SV2B: variants seen among roughly 807,000 people sequenced by gnomAD.
SV2B encodes synaptic vesicle glycoprotein 2B.
In SV2B, 41 loss-of-function variants were observed where a neutral mutation model predicts 73.9. The ratio of observed to expected loss-of-function variants is 0.56; its 90% CI spans 0.43 to 0.72. The LOEUF is 0.72. SV2B is among the 30% of genes least tolerant of loss of function. The pLI is 0.00. For missense variants in SV2B, 764 were observed against 857.8 expected (o/e 0.89, Z 1.37); for synonymous variants, 314 against 314.2 (o/e 1.00, Z 0.01).
In SV2B at chr15:91,130,903, A is replaced by T. The variant is rs1336238906; in HGVS notation, c.-392+30540A>T. On this transcript the variant is annotated intron_variant, in intron 1 of 12. Transcript: ENST00000394232. The surrounding 1 kb of genome is among the most constrained non-coding windows in gnomAD (Gnocchi z 5.6). ...AAAAATGAGAGTGTGAGGAGAAGGA[A>T]CTTGAAGATGCAAAAGGAGGAGATG... Among the ~76,000 whole-genome samples the T allele has an allele frequency of 6.6e-6, 1 of 152,054 alleles. No individual in the cohort carries two copies. Among genetic ancestry groups the T allele is most frequent in the Non-Finnish European group, 1.5e-5 (1 of 68,026 alleles).
In SV2B at chr15:91,268,346, A is replaced by T. The variant is rs1405451366; in HGVS notation, c.1209-95A>T. ...TAATGAACCAAATTAATGTATTTTCAATGAGTTTGATCTGCATCAAGTCAA... is the reference window on the plus strand; with the variant it reads ...TAATGAACCAAATTAATGTATTTTCTATGAGTTTGATCTGCATCAAGTCAA... On this transcript the variant is annotated intron_variant, in intron 8 of 12. Coordinates refer to ENST00000394232, the MANE Select transcript of SV2B (RefSeq NM_001323032.3). This position sits in a 1 kb window ranked among gnomAD's most constrained non-coding sequence, Gnocchi z 4.4. 3 of 1,215,938 alleles carry T rather than the reference A, an allele frequency of 2.5e-6. 1 individual carries two copies. The South Asian group carries it at 6.0e-5, about 24-fold the overall frequency. The allele number at this position is 1,215,938 out of a possible 1,614,324, so 75.3% of individuals were successfully genotyped here.
intron 1 of SV2B, among the ~76,000 whole-genome samples, chr15:91,143,055 G>A (rs1015500835): frequency 3.3e-5 from 5 of 152,194 alleles, no homozygotes; most frequent in African/African-American, 4.8e-5. Flanking sequence ...GCCAGTGGCT[G>A]GGAGTTCCAG....
chr15:91,154,383 CA>C (rs2043416007), intron 1 of SV2B, among the ~76,000 whole-genome samples: 2 of 151,964 alleles, frequency 1.3e-5, no homozygotes, highest in African/African-American at 2.4e-5. Flanking sequence ...GGCTTAGGGT[CA>C]GGGGTCCAGG....
At chr15:91,254,234 C>CTTCTT (rs1272630977) in intron 4 of SV2B, among the ~76,000 whole-genome samples, 1 of 127,294 alleles carries the variant, frequency 7.9e-6, no homozygotes, top group African/African-American at 3.0e-5. Flanking sequence ...ATTTTCACTT[C>CTTCTT]TTTTTTTTTT....
At position 91,106,826 on chromosome 15, in the gene SV2B, A is replaced by C. The variant is rs796259461; in HGVS notation, c.-392+6463A>C. On this transcript the variant is annotated intron_variant, in intron 1 of 12. Transcript: ENST00000394232. The surrounding 1 kb of genome is among the most constrained non-coding windows in gnomAD (Gnocchi z 4.4). Reference sequence around the variant, plus strand: ...ATTTTATTTAAATCAATTTATGCCGAGTGTCACCAGCTTGCTTGAGAAACC... The same window carrying C: ...ATTTTATTTAAATCAATTTATGCCGCGTGTCACCAGCTTGCTTGAGAAACC... Among the ~76,000 whole-genome samples, 8 of 152,316 alleles carry C rather than the reference A, an allele frequency of 5.3e-5. No individual in the cohort carries two copies. Among genetic ancestry groups the C allele is most frequent in the African/African-American group, 1.9e-4 (8 of 41,564 alleles).
chr15:91,206,210 T>TG lies in SV2B; in HGVS notation c.-391-19663_-391-19662insG, dbSNP rs562373733. Among the ~76,000 whole-genome samples the TG allele has an allele frequency of 4.2e-3, 630 of 149,858 alleles. 7 individuals carry two copies. Among genetic ancestry groups the TG allele is most frequent in the South Asian group, 0.023 (108 of 4,630 alleles). On this transcript the variant is annotated intron_variant, in intron 1 of 12. Coordinates refer to ENST00000394232, the MANE Select transcript of SV2B (RefSeq NM_001323032.3). ...ATGCCACCATGCCTGGCTTTTTTTT[T>TG]TTTTTTTTTTTTTCAGATACAGGTT...
Position 91,268,710 on chromosome 15 carries a change from G to C in SV2B, c.1373+105G>C. On this transcript the variant is annotated intron_variant, in intron 9 of 12. Transcript: ENST00000394232. The surrounding 1 kb of genome is among the most constrained non-coding windows in gnomAD (Gnocchi z 4.4). ...ATAAGAATCAAATATGGCCGGGAATGAGCGCCAAGGCTGGTGTCATCATCA... is the reference window on the plus strand; with the variant it reads ...ATAAGAATCAAATATGGCCGGGAATCAGCGCCAAGGCTGGTGTCATCATCA... 7.0e-7 allele frequency: 1 copy of C among 1,428,602 alleles called. No homozygotes were observed. The highest frequency in any genetic ancestry group is 2.3e-5 in the East Asian group (1 of 42,956). 88.5% of individuals were successfully genotyped at this position (1,428,602 alleles called of 1,614,324 possible). A position where few individuals can be genotyped will look rare whatever the true frequency, so the allele number is the denominator to read the frequency against.
At chr15:91,109,739 A>T (rs964946439) in intron 1 of SV2B, among the ~76,000 whole-genome samples, 4 of 152,168 alleles carry the variant, frequency 2.6e-5, no homozygotes, top group Admixed American at 2.6e-4. Flanking sequence ...GGAAATAATT[A>T]AAAAAATTTT....
chr15:91,176,785 A>C (rs1333542684), intron 1 of SV2B, among the ~76,000 whole-genome samples: 2 of 151,220 alleles, frequency 1.3e-5, no homozygotes, highest in African/African-American at 4.9e-5. Flanking sequence ...TAGATTCTGG[A>C]TATTAGCCCT....
In SV2B at chr15:91,300,606, G is replaced by A. The variant is rs958843243; in HGVS notation, c.*8054G>A. The stretch of plus-strand genomic sequence containing the variant: ...TAGACAGGTGCCGGTTTTGGGGAGA[G>A]GTGAGAGTACCCAGATGTGGGTGAC... On this transcript the variant is annotated 3_prime_UTR_variant, in exon 13 of 13. Transcript: ENST00000394232. 1.3e-5 allele frequency: 2 copies of A among 152,200 alleles called. No individual in the cohort carries two copies. Among genetic ancestry groups the A allele is most frequent in the East Asian group, 1.9e-4 (1 of 5,192 alleles). 9.4% of individuals were successfully genotyped at this position (152,200 alleles called of 1,614,324 possible).
In SV2B at chr15:91,110,539, C is replaced by T. The variant is rs1311883040; in HGVS notation, c.-392+10176C>T. Among the ~76,000 whole-genome samples, 6 of 152,230 alleles carry T rather than the reference C, an allele frequency of 3.9e-5. No individual in the cohort carries two copies. The highest frequency in any genetic ancestry group is 2.1e-4 in the South Asian group (1 of 4,832). On this transcript the variant is annotated intron_variant, in intron 1 of 12. Transcript: ENST00000394232. The surrounding 1 kb of genome is among the most constrained non-coding windows in gnomAD (Gnocchi z 5.4). ...TGCCTGCCATCCCTGCTCTATCGCA[C>T]GCAGAATCTGACCGTGGCCTCTCGC...
intron 1 of SV2B, among the ~76,000 whole-genome samples, chr15:91,125,991 G>A (rs966561379): frequency 1.3e-5 from 2 of 151,964 alleles, no homozygotes; most frequent in African/African-American, 2.4e-5. Flanking sequence ...GGCTGGGTGT[G>A]TGTTCTAAGT....
rs115250006 is a variant in SV2B, at chr15:91,155,275, C to T, written c.-392+54912C>T. On this transcript the variant is annotated intron_variant, in intron 1 of 12. Transcript: ENST00000394232. ...GTGTAAGGAATGGAATCCTTTTCTG[C>T]AGAGTCAAGAGCAGACCACTTGTGT... 3.3e-3 allele frequency among the ~76,000 whole-genome samples: 501 copies of T among 152,236 alleles called. 4 individuals carry two copies. The highest frequency in any genetic ancestry group is 0.011 in the African/African-American group (477 of 41,556).
chr15:91,154,614 T>A (rs1181280880), intron 1 of SV2B, among the ~76,000 whole-genome samples: 1 of 152,102 alleles, frequency 6.6e-6, no homozygotes, highest in Non-Finnish European at 1.5e-5. Context: ...GAGGTCATAG[T>A]GGATTAGAGT....
rs559618814 is a variant in SV2B at position 91,231,115 on chromosome 15, G to A, written c.451+4401G>A. Among the ~76,000 whole-genome samples, 93 of 151,932 alleles carry A rather than the reference G, an allele frequency of 6.1e-4. 4 individuals carry two copies. The South Asian group carries it at 0.01, about 17-fold the overall frequency. On this transcript the variant is annotated intron_variant, in intron 2 of 12. Transcript: ENST00000394232. This position sits in a 1 kb window ranked among gnomAD's most constrained non-coding sequence, Gnocchi z 4.5. ...GGATAATTATGCATTTTCTGGGTAT[G>A]TAAAAAAAAAATCACCCGAAGAAAT...
chr15:91,142,398 T>G (rs1374139068), intron 1 of SV2B, among the ~76,000 whole-genome samples: 3 of 152,238 alleles, frequency 2.0e-5, no homozygotes, highest in East Asian at 3.8e-4. Context: ...GTTGCAATGC[T>G]TGCTCTTAAG....
Position 91,292,404 on chromosome 15 carries a change from A to C in SV2B, c.1904A>C (p.Lys635Thr). 1 of 1,614,138 alleles carries C rather than the reference A, an allele frequency of 6.2e-7. No homozygotes were observed. The highest frequency in any genetic ancestry group is 1.1e-5 in the South Asian group (1 of 91,080). The change falls in exon 13 of 13, where the codon AAA becomes ACA. Residue 635 changes from lysine to threonine, a missense_variant. Transcript: ENST00000394232. Reference sequence around the variant, plus strand: ...TTCGGCATTCTCAATGGATTATGCAAATTTGGCGCCATCCTGGGAAACACC... The same window carrying C: ...TTCGGCATTCTCAATGGATTATGCACATTTGGCGCCATCCTGGGAAACACC... ...TAFGILNGLC[K>T]FGAILGNTIF...
At chr15:91,199,484 C>T (rs1484148516) in intron 1 of SV2B, among the ~76,000 whole-genome samples, 2 of 152,132 alleles carry the variant, frequency 1.3e-5, no homozygotes, top group Non-Finnish European at 2.9e-5. Flanking sequence ...GAGAATGGGT[C>T]GTGGGTTTCT....
At chr15:91,205,360 G>A (rs1454393048) in intron 1 of SV2B, among the ~76,000 whole-genome samples, 1 of 151,884 alleles carries the variant, frequency 6.6e-6, no homozygotes, top group East Asian at 1.9e-4. Context: ...TGCTGAATAG[G>A]ATAACATTTC....
Sources: gnomAD v4.1 joint callset for allele counts (sites outside exome capture counted in the v4.1 genomes callset) on GRCh38, gnomAD v4.1.1 for gene constraint, Gnocchi (gnomAD v3.1) non-coding constraint, MANE v1.5 for transcripts, NCBI Gene and HGNC (gene_info 2026-07-23, HGNC 2026-07-21) for gene names.